Variants in SCN11A observed in about 807,000 individuals in gnomAD.
SCN11A encodes the protein sodium channel protein type 11 subunit alpha.
In SCN11A, 122 loss-of-function variants were observed where a neutral mutation model predicts 162.2. The ratio of observed to expected loss-of-function variants is 0.75; its 90% CI spans 0.65 to 0.87. The LOEUF (loss-of-function observed/expected upper bound fraction) is 0.87, where lower values mean the gene tolerates loss of function less well. Among genes scored for constraint, SCN11A ranks in the 40% least tolerant of loss-of-function variants. The probability of loss-of-function intolerance (pLI) is 0.00; values close to 1 mark genes in which losing one functional copy is unlikely to be tolerated. For missense variants in SCN11A, 2,015 were observed against 2,181.6 expected, an observed-to-expected ratio of 0.92 and a Z score of 1.52; for synonymous variants, 758 against 751.5, an observed-to-expected ratio of 1.01 and a Z score of -0.14.
At chr3:38,871,012 G>A (rs1487688278) in intron 25 of SCN11A, among the ~76,000 whole-genome samples, 3 of 152,232 alleles carry the variant, frequency 2.0e-5, no homozygotes, top group African/African-American at 7.2e-5. Flanking sequence ...GGCTGAAGCT[G>A]TGGCCCAACA....
chr3:38,944,405 C>G (rs928481178), intron 7 of SCN11A, among the ~76,000 whole-genome samples: 23 of 151,700 alleles, frequency 1.5e-4, no homozygotes, highest in Non-Finnish European at 3.1e-4. Flanking sequence ...GGGCTCACTG[C>G]AAGCTCCGCC....
At chr3:39,029,505 G>T (rs760432533) in intron 2 of SCN11A, among the ~76,000 whole-genome samples, 1 of 152,214 alleles carries the variant, frequency 6.6e-6, no homozygotes, top group Non-Finnish European at 1.5e-5. Flanking sequence ...GTTCCAAACA[G>T]ATTTTCCCAT....
intron 18 of SCN11A, among the ~76,000 whole-genome samples, chr3:38,896,143 C>A (rs2065593733): frequency 6.6e-6 from 1 of 152,166 alleles, no homozygotes; most frequent in Non-Finnish European, 1.5e-5. Flanking sequence ...CAGGTTTGTT[C>A]TCTCTTTTCA....
rs192344377 is a variant in SCN11A at position 38,885,544 on chromosome 3, A to G, written c.2950-142T>C. The G allele has an allele frequency of 4.2e-4, 255 of 600,002 alleles. No individual in the cohort carries two copies. In the African/African-American group the frequency reaches 4.3e-3, roughly 10 times the overall value. 37.2% of individuals were successfully genotyped at this position (600,002 alleles called of 1,614,324 possible). A position where few individuals can be genotyped will look rare whatever the true frequency, so the allele number is the denominator to read the frequency against. ...TCTAGGATGAGAGGTGTCAAGAAAC[A>G]CCCCTCCTGCTGGGTCCTTTTCTAA... On this transcript the variant is annotated intron_variant, in intron 20 of 29. Transcript: ENST00000302328.
intron 23 of SCN11A, among the ~76,000 whole-genome samples, chr3:38,876,879 A>G (rs912734259): frequency 1.3e-5 from 2 of 151,904 alleles, no homozygotes; most frequent in Admixed American, 1.3e-4. Context: ...GGAAATCATT[A>G]TATGAAAAAG....
intron 9 of SCN11A, among the ~76,000 whole-genome samples, chr3:38,922,161 G>A (rs1423357873): frequency 6.6e-6 from 1 of 152,216 alleles, no homozygotes; most frequent in Non-Finnish European, 1.5e-5. Context: ...GACACTAAGT[G>A]ACAAAATTTC....
At chr3:38,942,960 C>T (rs1263697955) in intron 7 of SCN11A, among the ~76,000 whole-genome samples, 1 of 152,238 alleles carries the variant, frequency 6.6e-6, no homozygotes, top group East Asian at 1.9e-4. Context: ...CCAGCAATTA[C>T]ACCTAGGTAT....
intron 7 of SCN11A, among the ~76,000 whole-genome samples, chr3:38,931,320 G>C (rs1189500196): frequency 6.6e-6 from 1 of 152,178 alleles, no homozygotes; most frequent in Non-Finnish European, 1.5e-5. Context: ...ACCTAGAAGG[G>C]AGAAGAATTC....
At chr3:38,959,613 C>G (rs745661738) in intron 3 of SCN11A, among the ~76,000 whole-genome samples, 2 of 152,192 alleles carry the variant, frequency 1.3e-5, no homozygotes, top group Non-Finnish European at 2.9e-5. Flanking sequence ...ATCCACCACC[C>G]AAGTCAGACA....
At chr3:38,850,922 G>T (rs1445499587) in intron 28 of SCN11A, among the ~76,000 whole-genome samples, 171 bp from the exon 29 acceptor site, 2 of 152,078 alleles carry the variant, frequency 1.3e-5, no homozygotes, top group Non-Finnish European at 2.9e-5. Context: ...CCCCAGGCTT[G>T]CCTTATATAT....
rs2066745713 is a variant in SCN11A at position 38,962,175 on chromosome 3, G to GT, written c.-279-1753dup. 2.0e-5 allele frequency among the ~76,000 whole-genome samples: 3 copies of GT among 152,308 alleles called. No individual in the cohort carries two copies. In the South Asian group the frequency reaches 6.2e-4, roughly 32 times the overall value. Reference sequence around the variant, plus strand: ...TTGCTTTGTTGAAGATCAGTTGGCTGTAAGTATTTGGGTTTATTTCTGGGC... The same window carrying GT: ...TTGCTTTGTTGAAGATCAGTTGGCTGTTAAGTATTTGGGTTTATTTCTGGGC... On this transcript the variant is annotated intron_variant, in intron 2 of 29. Coordinates refer to ENST00000302328, the MANE Select transcript of SCN11A (RefSeq NM_001349253.2).
chr3:38,848,634 GCAA>G (rs1286459276), intron 29 of SCN11A, among the ~76,000 whole-genome samples: 1 of 152,184 alleles, frequency 6.6e-6, no homozygotes, highest in African/African-American at 2.4e-5. Context: ...TGCCAATTCA[GCAA>G]CAACTGGAGG....
intron 28 of SCN11A, among the ~76,000 whole-genome samples, chr3:38,852,418 T>C (rs1188567849): frequency 6.6e-6 from 1 of 152,168 alleles, no homozygotes; most frequent in Non-Finnish European, 1.5e-5. Flanking sequence ...ATTGGTTTTA[T>C]AGTTAACTCT....
chr3:38,999,917 C>T (rs2030756927), intron 2 of SCN11A, among the ~76,000 whole-genome samples: 1 of 152,108 alleles, frequency 6.6e-6, no homozygotes, highest in Admixed American at 6.5e-5. Context: ...GGTGAAAGTA[C>T]TAATTGGAAG....
Position 38,885,368 on chromosome 3 carries a change from C to G in SCN11A, c.2984G>C (p.Ser995Thr). ...AAAGCCATCCTGAAGATCAATGGTG[C>G]TACATTCTGATAGTATACTGGTAAC... ...SDVTSILSEC[S>T]TIDLQDGFGW... is the part of the protein sequence containing the mutation. The change falls in exon 21 of 30, where the codon AGC (serine) becomes ACC (threonine). Residue 995 changes from serine to threonine, a missense_variant. Ser to Thr is a moderately conservative substitution (Grantham distance 58). Coordinates refer to ENST00000302328, the MANE Select transcript of SCN11A (RefSeq NM_001349253.2). 1 of 1,612,626 alleles carries G rather than the reference C, an allele frequency of 6.2e-7. No homozygotes were observed. The highest frequency in any genetic ancestry group is 1.1e-5 in the South Asian group (1 of 91,042).
chr3:38,881,729 T>C lies in SCN11A; in HGVS notation c.3219+1504A>G, dbSNP rs547416325. The stretch of plus-strand genomic sequence containing the variant: ...ACATATAGTGGCAAACAACTTGATG[T>C]CTCTTGTTCTCATTCTCTACAAATA... On this transcript the variant is annotated intron_variant, in intron 22 of 29. Coordinates refer to ENST00000302328, the MANE Select transcript of SCN11A (RefSeq NM_001349253.2). 3.2e-4 allele frequency among the ~76,000 whole-genome samples: 48 copies of C among 152,236 alleles called. No homozygotes were observed. The South Asian group carries it at 8.9e-3, about 28-fold the overall frequency.
chr3:39,035,472 A>C (rs1488606691), intron 1 of SCN11A, among the ~76,000 whole-genome samples: 1 of 152,240 alleles, frequency 6.6e-6, no homozygotes, highest in Non-Finnish European at 1.5e-5. Context: ...ACTTAAATCT[A>C]AGACCTCAAA....
intron 23 of SCN11A, among the ~76,000 whole-genome samples, chr3:38,874,705 T>C (rs983004780): frequency 3.3e-5 from 5 of 151,886 alleles, no homozygotes; most frequent in East Asian, 1.9e-4. Context: ...CTTTTGTGAA[T>C]TGGCTGTTTG....
At chr3:38,927,687 A>T (rs2125554920) in intron 7 of SCN11A, among the ~76,000 whole-genome samples, 1 of 152,350 alleles carries the variant, frequency 6.6e-6, no homozygotes. Flanking sequence ...GGAAGCAAAC[A>T]TGTCCTTCTT....
Sources: allele counts gnomAD v4.1 joint callset (sites outside exome capture counted in the v4.1 genomes callset), GRCh38; gene constraint gnomAD v4.1.1; transcripts MANE v1.5; gene names NCBI Gene and HGNC (gene_info 2026-07-23, HGNC 2026-07-21).